Variants in FHIT observed in about 807,000 individuals in gnomAD.
FHIT encodes fragile histidine triad diadenosine triphosphatase.
A neutral mutation model predicts 17.9 loss-of-function variants in FHIT; 19 were observed. The observed-to-expected ratio is 1.06, with a 90% CI of 0.74 to 1.56. The LOEUF is 1.56. Among genes scored for constraint, FHIT ranks in the 40% most tolerant of loss-of-function variants. The pLI is 0.00. For missense variants in FHIT, 248 were observed against 189.2 expected (o/e 1.31, Z -1.82); for synonymous variants, 81 against 69.7 (o/e 1.16, Z -0.81).
intron 5 of FHIT, among the ~76,000 whole-genome samples, chr3:60,367,280 G>T (rs1033468855): frequency 6.6e-6 from 1 of 152,124 alleles, no homozygotes; most frequent in African/African-American, 2.4e-5. Context: ...TTATCCCAGG[G>T]TCTATTTCTC....
At chr3:59,761,562 T>C (rs780963616) in intron 8 of FHIT, among the ~76,000 whole-genome samples, 24 of 152,106 alleles carry the variant, frequency 1.6e-4, no homozygotes, top group Non-Finnish European at 2.5e-4. Context: ...TGTTCACAAT[T>C]GCACAAACAG....
At chr3:60,087,485 T>A (rs1032503812) in intron 5 of FHIT, among the ~76,000 whole-genome samples, 1 of 152,226 alleles carries the variant, frequency 6.6e-6, no homozygotes, top group African/African-American at 2.4e-5. Context: ...TCTGCTTCGC[T>A]TTTAATTATA....
At chr3:60,761,985 G>A (rs998830044) in intron 4 of FHIT, among the ~76,000 whole-genome samples, 6 of 152,094 alleles carry the variant, frequency 3.9e-5, no homozygotes, top group African/African-American at 1.2e-4. Context: ...CCATTAAATT[G>A]AAGGTGACTT....
chr3:60,057,991 A>G (rs1350758302), intron 5 of FHIT, among the ~76,000 whole-genome samples: 1 of 152,040 alleles, frequency 6.6e-6, no homozygotes, highest in African/African-American at 2.4e-5. Context: ...GTGTTTTGGT[A>G]ACAATTCCAC....
At chr3:60,785,870 A>G (rs1017017169) in intron 4 of FHIT, among the ~76,000 whole-genome samples, 1 of 151,138 alleles carries the variant, frequency 6.6e-6, no homozygotes, top group Non-Finnish European at 1.5e-5. Context: ...CTAGAAATAA[A>G]GCTAACTCAA....
chr3:59,825,502 G>A (rs471011), intron 8 of FHIT, among the ~76,000 whole-genome samples: 3,912 of 152,222 alleles, frequency 0.026, 164 homozygotes, highest in African/African-American at 0.088. Context: ...CTCAGAGGAC[G>A]AGAGAGAAGC....
chr3:59,850,677 C>T (rs918783341), intron 8 of FHIT, among the ~76,000 whole-genome samples: 3 of 152,158 alleles, frequency 2.0e-5, no homozygotes, highest in Non-Finnish European at 2.9e-5. Flanking sequence ...AAAAATGAGT[C>T]ACCTCTCTTC....
chr3:60,096,964 T>C (rs1174257569), intron 5 of FHIT, among the ~76,000 whole-genome samples: 1 of 148,884 alleles, frequency 6.7e-6, no homozygotes, highest in East Asian at 2.0e-4. Context: ...GAGGATTCCT[T>C]CAGGCTAGGA....
intron 4 of FHIT, among the ~76,000 whole-genome samples, chr3:60,715,586 G>A (rs1289920663): frequency 2.2e-4 from 30 of 137,212 alleles, no homozygotes; most frequent in Non-Finnish European, 3.7e-4. Flanking sequence ...ACACATGGAC[G>A]CAGGAAGGGG....
intron 5 of FHIT, among the ~76,000 whole-genome samples, chr3:60,086,611 T>A (rs942814795): frequency 2.1e-4 from 32 of 152,076 alleles, no homozygotes; most frequent in African/African-American, 7.5e-4. Flanking sequence ...AAGGGAGAAA[T>A]TGGCCAAAAG....
rs901395618 is a variant in FHIT at position 60,673,502 on chromosome 3, C to T, written c.-17-136523G>A. Among the ~76,000 whole-genome samples, 5 of 151,836 alleles carry T rather than the reference C, an allele frequency of 3.3e-5. No homozygotes were observed. The East Asian group carries it at 5.8e-4, about 18-fold the overall frequency. On this transcript the variant is annotated intron_variant, in intron 4 of 9. Coordinates refer to ENST00000492590, the MANE Select transcript of FHIT (RefSeq NM_002012.4). Reference sequence around the variant, plus strand: ...GCCACAGGGAGGGAAACAACACACACTGGGGCCTGTCTGGGGTGGGATGGG... The same window carrying T: ...GCCACAGGGAGGGAAACAACACACATTGGGGCCTGTCTGGGGTGGGATGGG...
intron 2 of FHIT, among the ~76,000 whole-genome samples, chr3:61,080,065 A>C (rs1338071059): frequency 1.3e-5 from 2 of 151,730 alleles, no homozygotes; most frequent in Non-Finnish European, 1.5e-5. Context: ...ATAGAAGTCA[A>C]ACAAACATTT....
chr3:59,755,501 A>T (rs1307158657), intron 8 of FHIT, among the ~76,000 whole-genome samples: 2 of 152,216 alleles, frequency 1.3e-5, no homozygotes, highest in African/African-American at 4.8e-5. Context: ...TTTATCCAAA[A>T]GGCAGTATTT....
chr3:61,132,589 C>T (rs56379111), intron 2 of FHIT, among the ~76,000 whole-genome samples: 2,701 of 152,130 alleles, frequency 0.018, 32 homozygotes, highest in Middle Eastern at 0.031. Flanking sequence ...TTACATAGGG[C>T]CTCTTAGGAT....
intron 5 of FHIT, among the ~76,000 whole-genome samples, chr3:60,340,108 T>C (rs1710441857): frequency 6.6e-6 from 1 of 152,152 alleles, no homozygotes; most frequent in African/African-American, 2.4e-5. Flanking sequence ...AACTCAGTTG[T>C]TCCACCATTA....
chr3:60,218,516 T>C (rs1363080809), intron 5 of FHIT, among the ~76,000 whole-genome samples: 1 of 152,150 alleles, frequency 6.6e-6, no homozygotes, highest in Non-Finnish European at 1.5e-5. Context: ...CTAACAAATG[T>C]TATCTTTAAT....
At chr3:60,252,934 C>T (rs930132853) in intron 5 of FHIT, among the ~76,000 whole-genome samples, 18 of 151,846 alleles carry the variant, frequency 1.2e-4, no homozygotes, top group African/African-American at 2.7e-4. Context: ...GGAGGCAGAG[C>T]TTGCAGTGAG....
At chr3:60,313,301 T>C (rs1411935186) in intron 5 of FHIT, among the ~76,000 whole-genome samples, 1 of 152,218 alleles carries the variant, frequency 6.6e-6, no homozygotes, top group African/African-American at 2.4e-5. Context: ...AACTAATATG[T>C]AAAAACCCAG....
intron 5 of FHIT, among the ~76,000 whole-genome samples, chr3:60,065,134 G>C (rs926421141): frequency 2.0e-5 from 3 of 152,080 alleles, no homozygotes; most frequent in African/African-American, 4.8e-5. Flanking sequence ...AGACCTTCCA[G>C]ACCAAAACTA....
Sources: gnomAD v4.1 joint callset for allele counts (sites outside exome capture counted in the v4.1 genomes callset) on GRCh38, gnomAD v4.1.1 for gene constraint, MANE v1.5 for transcripts, NCBI Gene and HGNC (gene_info 2026-07-23, HGNC 2026-07-21) for gene names.